MYO5C: variants seen among roughly 807,000 people sequenced by gnomAD.
MYO5C encodes myosin VC, also known as unconventional myosin-Vc.
Under a neutral mutation model 235.7 loss-of-function variants are expected in MYO5C, and 194 were observed. The ratio of observed to expected loss-of-function variants is 0.82; its 90% CI spans 0.73 to 0.93. MYO5C has a LOEUF of 0.93. Ranked by LOEUF, MYO5C falls within the 40% of genes least tolerant of loss-of-function variation. The probability of loss-of-function intolerance (pLI) is 0.00; values close to 1 mark genes in which losing one functional copy is unlikely to be tolerated. For synonymous variants in MYO5C, 707 were observed against 754.8 expected (o/e 0.94, Z 1.04); for missense variants, 2,038 against 2,127.2 (o/e 0.96, Z 0.82).
intron 2 of MYO5C, among the ~76,000 whole-genome samples, chr15:52,281,630 G>A (rs1021275002): frequency 1.3e-5 from 2 of 152,174 alleles, no homozygotes; most frequent in African/African-American, 4.8e-5. Flanking sequence ...ACCCTGGGAC[G>A]GTGCACAGTC....
chr15:52,270,755 T>A (rs2036906608), intron 7 of MYO5C, among the ~76,000 whole-genome samples: 1 of 152,084 alleles, frequency 6.6e-6, no homozygotes, highest in Non-Finnish European at 1.5e-5. Context: ...CAGAAAGCCC[T>A]TCTGCAGGTT....
At chr15:52,220,996 A>G (rs2035669652) in intron 30 of MYO5C, among the ~76,000 whole-genome samples, 166 bp downstream of exon 30, 1 of 152,004 alleles carries the variant, frequency 6.6e-6, no homozygotes, top group Non-Finnish European at 1.5e-5. Flanking sequence ...TAAATGTCCT[A>G]CATACCTTCC....
At chr15:52,209,771 A>G (rs77858124) in intron 35 of MYO5C, among the ~76,000 whole-genome samples, 1 of 152,296 alleles carries the variant, frequency 6.6e-6, no homozygotes, top group Non-Finnish European at 1.5e-5. Context: ...CCTTCCAAAA[A>G]CACTGTGGTG....
Position 52,275,650 on chromosome 15 carries a change from T to C in MYO5C, c.518A>G (p.Tyr173Cys), listed in dbSNP as rs1896203497. 4 of 1,614,078 alleles carry C rather than the reference T, an allele frequency of 2.5e-6. No individual in the cohort carries two copies. Among genetic ancestry groups the C allele is most frequent in the African/African-American group, 1.3e-5 (1 of 74,932 alleles). The change falls in exon 5 of 41, where the codon TAT becomes TGT. Residue 173 changes from tyrosine to cysteine, a missense_variant. Transcript: ENST00000261839. ...SGAGKTVSAR[Y>C]AMRYFATVSK... ...GACGGTGGCAAAGTACCTCATGGCA[T>C]AGCGAGCCGACACTGTCTTTCCAGC...
chr15:52,268,067 A>G (rs906710099), intron 8 of MYO5C, among the ~76,000 whole-genome samples: 5 of 152,200 alleles, frequency 3.3e-5, no homozygotes, highest in Non-Finnish European at 5.9e-5. Flanking sequence ...GGTTTGAGGG[A>G]ACAGTCTGAT....
chr15:52,290,223 A>G (rs2037357629), intron 1 of MYO5C, among the ~76,000 whole-genome samples: 1 of 152,176 alleles, frequency 6.6e-6, no homozygotes, highest in Non-Finnish European at 1.5e-5. Flanking sequence ...CTTTTGAACA[A>G]AAATTCAAAT....
chr15:52,245,519 C>T (rs1022474305), intron 17 of MYO5C, 54 bp from the exon 18 acceptor site: 17 of 1,249,360 alleles, frequency 1.4e-5, no homozygotes, highest in Non-Finnish European at 2.4e-6. Flanking sequence ...CACATTGTGT[C>T]TGGGGACTCC....
chr15:52,203,751 C>T (rs2035238996), intron 38 of MYO5C, among the ~76,000 whole-genome samples: 1 of 151,868 alleles, frequency 6.6e-6, no homozygotes, highest in South Asian at 2.1e-4. Flanking sequence ...TTTTTTGTAC[C>T]CATTAACCAT....
intron 25 of MYO5C, among the ~76,000 whole-genome samples, chr15:52,228,061 TCATC>T (rs1226834181): frequency 2.6e-5 from 4 of 152,352 alleles, no homozygotes; most frequent in East Asian, 3.9e-4. Context: ...GATCATTACT[TCATC>T]CATTCATTCA....
rs375831577 is a variant in MYO5C at position 52,204,960 on chromosome 15, C to T, written c.4725G>A (p.Ala1575=). ...NGLDPELVRQ[A]VKQLFFLIGA... ...CGATCAAGAAGAAGAGCTGCTTCAC[C>T]GCCTGCCTCACAAGCTCGGGGTCCA... The change falls in exon 38 of 41, where the codon GCG becomes GCA. Residue 1575 remains alanine (A), a synonymous_variant. Transcript: ENST00000261839. 36 of 1,614,120 alleles carry T rather than the reference C, an allele frequency of 2.2e-5. 1 individual carries two copies. The highest frequency in any genetic ancestry group is 1.6e-4 in the Middle Eastern group (1 of 6,084).
chr15:52,227,281 A>G (rs1296307755), intron 25 of MYO5C, among the ~76,000 whole-genome samples: 1 of 119,000 alleles, frequency 8.4e-6, no homozygotes, highest in East Asian at 3.0e-4. Context: ...TGCAACCTCC[A>G]CCTCCCAGGT....
intron 11 of MYO5C, among the ~76,000 whole-genome samples, chr15:52,256,329 C>T (rs773654362): frequency 2.6e-5 from 4 of 151,938 alleles, no homozygotes; most frequent in Non-Finnish European, 5.9e-5. Flanking sequence ...CAGAGAGGCT[C>T]GAAAGAAAGT....
intron 1 of MYO5C, among the ~76,000 whole-genome samples, chr15:52,293,475 C>T (rs2037436354): frequency 6.6e-6 from 1 of 152,104 alleles, no homozygotes; most frequent in African/African-American, 2.4e-5. Flanking sequence ...CTTGGAAGCC[C>T]CCTCACCCCT....
intron 10 of MYO5C, among the ~76,000 whole-genome samples, chr15:52,258,987 C>T (rs953563425): frequency 1.3e-5 from 2 of 152,194 alleles, no homozygotes; most frequent in African/African-American, 4.8e-5. Context: ...TTCCTCCCTT[C>T]CCAGGACTCA....
chr15:52,277,014 A>T (rs1246668231), intron 4 of MYO5C: 1 of 449,014 alleles, frequency 2.2e-6, no homozygotes, highest in East Asian at 7.2e-5. Context: ...CAGAGCACAG[A>T]GCCACAGCCT....
intron 2 of MYO5C, among the ~76,000 whole-genome samples, chr15:52,280,367 T>C (rs2037140113): frequency 6.6e-6 from 1 of 152,236 alleles, no homozygotes; most frequent in South Asian, 2.1e-4. Flanking sequence ...GCTCCTCTTC[T>C]GCTAGATTTA....
rs181883030 is a variant in MYO5C, at chr15:52,257,863, T to C, written c.1314-1143A>G. On this transcript the variant is annotated intron_variant, in intron 10 of 40. Transcript: ENST00000261839. ...AGGTCCCCTGGGAGTCTCACTTGAC[T>C]GAGCTGGTTTGGCTCAATCTGGAAT... Among the ~76,000 whole-genome samples, 307 of 152,346 alleles carry C rather than the reference T, an allele frequency of 2.0e-3. 2 individuals are homozygous for C. Among genetic ancestry groups the C allele is most frequent in the African/African-American group, 7.1e-3 (296 of 41,584 alleles).
In MYO5C at chr15:52,286,608, C is replaced by T. The variant is rs1047142183; in HGVS notation, c.28-3716G>A. On this transcript the variant is annotated intron_variant, in intron 1 of 40. Transcript: ENST00000261839. Reference sequence around the variant, plus strand: ...TTGTGCTGTACTAAGAAAAATTCTTCTTCCTTGGGATCCTGTTGATCTGTG... The same window carrying T: ...TTGTGCTGTACTAAGAAAAATTCTTTTTCCTTGGGATCCTGTTGATCTGTG... Among the ~76,000 whole-genome samples, 66 of 152,266 alleles carry T rather than the reference C, an allele frequency of 4.3e-4. 1 individual carries two copies. Among genetic ancestry groups the T allele is most frequent in the Non-Finnish European group, 3.7e-4 (25 of 68,028 alleles).
chr15:52,269,639 C>T, intron 8 of MYO5C, 114 bp downstream of exon 8: 1 of 681,948 alleles, frequency 1.5e-6, no homozygotes, highest in Non-Finnish European at 2.6e-6. Flanking sequence ...GATCCGCCCA[C>T]CTCAGCCTCC....
Sources: gnomAD v4.1 joint callset for allele counts (sites outside exome capture counted in the v4.1 genomes callset) on GRCh38, gnomAD v4.1.1 for gene constraint, MANE v1.5 for transcripts, NCBI Gene and HGNC (gene_info 2026-07-23, HGNC 2026-07-21) for gene names.